FAM135A: variants seen among roughly 807,000 people sequenced by gnomAD.
The protein encoded by FAM135A is family with sequence similarity 135 member A, also known as protein FAM135A.
A neutral mutation model predicts 146.8 loss-of-function variants in FAM135A; 79 were observed. That is an observed-to-expected ratio of 0.54 (90% CI 0.45 to 0.65). The LOEUF (loss-of-function observed/expected upper bound fraction) is 0.65. FAM135A is among the 30% of genes least tolerant of loss of function. The pLI, the probability that FAM135A is intolerant of heterozygous loss-of-function variation, is 0.00. For synonymous variants in FAM135A, 562 were observed against 603.6 expected, an observed-to-expected ratio of 0.93 and a Z score of 1.01; for missense variants, 1,623 against 1,758.2, an observed-to-expected ratio of 0.92 and a Z score of 1.38.
chr6:70,496,431 A>C (rs1183976589), intron 11 of FAM135A, among the ~76,000 whole-genome samples: 5 of 151,588 alleles, frequency 3.3e-5, no homozygotes, highest in East Asian at 1.9e-4. Context: ...AGATTGCAAA[A>C]ATTTTCTCCC....
chr6:70,501,238 T>C (rs1278018109), intron 11 of FAM135A, among the ~76,000 whole-genome samples: 5 of 151,482 alleles, frequency 3.3e-5, no homozygotes, highest in African/African-American at 1.2e-4. Context: ...CACAGCTGCT[T>C]TGGTGCGCTG....
At position 70,417,815 on chromosome 6, in the gene FAM135A, T is replaced by A. The variant is rs184429587; in HGVS notation, c.-134+2439T>A. On this transcript the variant is annotated intron_variant, in intron 2 of 21. Transcript: ENST00000418814. Reference sequence around the variant, plus strand: ...TAAGACTGTGGAAGCCTGTATACCCTTTACCATCTCTTTTATCTTTTGGAA... The same window carrying A: ...TAAGACTGTGGAAGCCTGTATACCCATTACCATCTCTTTTATCTTTTGGAA... Among the ~76,000 whole-genome samples, 857 of 152,326 alleles carry A rather than the reference T, an allele frequency of 5.6e-3. 3 individuals are homozygous for A. The highest frequency in any genetic ancestry group is 8.2e-3 in the Non-Finnish European group (558 of 68,032).
At chr6:70,435,096 T>TAC (rs1772700678) in intron 4 of FAM135A, among the ~76,000 whole-genome samples, 1 of 121,008 alleles carries the variant, frequency 8.3e-6, no homozygotes, top group Admixed American at 8.4e-5. Context: ...TATATATATA[T>TAC]ATATATATAT....
At chr6:70,465,217 T>TAAGAA (rs1352534587) in intron 5 of FAM135A, among the ~76,000 whole-genome samples, 3 of 152,104 alleles carry the variant, frequency 2.0e-5, no homozygotes, top group African/African-American at 7.2e-5. Flanking sequence ...TTTTCTTTTC[T>TAAGAA]AAGGCTGAAT....
intron 12 of FAM135A, among the ~76,000 whole-genome samples, chr6:70,516,548 T>C (rs1355291966): frequency 1.4e-5 from 2 of 143,538 alleles, no homozygotes; most frequent in Non-Finnish European, 3.1e-5. Context: ...TTTTTTTTTT[T>C]TTTTTGAGAC....
intron 20 of FAM135A, among the ~76,000 whole-genome samples, chr6:70,545,748 T>C (rs758976777): frequency 1.3e-5 from 2 of 152,232 alleles, no homozygotes; most frequent in Non-Finnish European, 2.9e-5. Flanking sequence ...AACACATACA[T>C]ATTAGCTTAT....
intron 4 of FAM135A, among the ~76,000 whole-genome samples, chr6:70,436,936 A>G (rs1562415902): frequency 1.3e-5 from 2 of 152,224 alleles, no homozygotes; most frequent in Admixed American, 1.3e-4. Flanking sequence ...TAATGCTGTC[A>G]ATTAACTAGC....
intron 11 of FAM135A, among the ~76,000 whole-genome samples, chr6:70,492,849 A>G (rs1562515312): frequency 6.6e-6 from 1 of 152,052 alleles, no homozygotes. Flanking sequence ...GTAAGAGTGT[A>G]GTGAAACTAG....
intron 5 of FAM135A, among the ~76,000 whole-genome samples, chr6:70,453,874 T>A (rs1777669060): frequency 6.6e-6 from 1 of 152,218 alleles, no homozygotes; most frequent in South Asian, 2.1e-4. Flanking sequence ...GCAATAAACA[T>A]ACGTGTGCAT....
chr6:70,470,897 A>T (rs1347917033), intron 5 of FAM135A, among the ~76,000 whole-genome samples: 1 of 152,242 alleles, frequency 6.6e-6, no homozygotes, highest in Non-Finnish European at 1.5e-5. Context: ...TAGATCCTAT[A>T]GTAGAGCTTA....
intron 12 of FAM135A, among the ~76,000 whole-genome samples, chr6:70,509,758 T>C (rs1226344060): frequency 1.3e-5 from 2 of 152,136 alleles, no homozygotes; most frequent in African/African-American, 4.8e-5. Flanking sequence ...TTAGCCAAAG[T>C]TGCATATCTT....
intron 4 of FAM135A, among the ~76,000 whole-genome samples, chr6:70,442,734 T>TC (rs1450877433): frequency 6.2e-5 from 9 of 145,386 alleles, no homozygotes; most frequent in African/African-American, 7.7e-5. Flanking sequence ...ATCCATCATA[T>TC]CCCAAAAAAA....
At chr6:70,502,534 A>G (rs1462572490) in intron 11 of FAM135A, 102 bp from the exon 12 acceptor site, 2 of 1,209,220 alleles carry the variant, frequency 1.7e-6, no homozygotes, top group Non-Finnish European at 2.3e-6. Context: ...CTTTTTTTAA[A>G]CCACAAATTT....
intron 12 of FAM135A, among the ~76,000 whole-genome samples, chr6:70,520,465 A>G (rs907952787): frequency 2.0e-5 from 3 of 152,326 alleles, no homozygotes; most frequent in African/African-American, 4.8e-5. Context: ...TGTGTTAGCA[A>G]TTTGAACAGC....
intron 4 of FAM135A, among the ~76,000 whole-genome samples, chr6:70,439,030 G>A (rs1345630395): frequency 6.6e-6 from 1 of 152,130 alleles, no homozygotes; most frequent in Non-Finnish European, 1.5e-5. Context: ...CAGCTAGCTG[G>A]ACATGGTGGT....
intron 19 of FAM135A, among the ~76,000 whole-genome samples, chr6:70,537,574 A>C (rs549496495): frequency 3.9e-5 from 6 of 152,322 alleles, no homozygotes; most frequent in African/African-American, 1.2e-4. Context: ...ATTCTTCACT[A>C]AACTTTTTCC....
chr6:70,491,760 A>G (rs560441063), intron 11 of FAM135A, among the ~76,000 whole-genome samples: 2 of 152,018 alleles, frequency 1.3e-5, no homozygotes, highest in South Asian at 2.1e-4. Flanking sequence ...TTTTCTCTGC[A>G]GTTCAAGTAA....
chr6:70,492,146 T>C (rs1786131916), intron 11 of FAM135A, among the ~76,000 whole-genome samples: 2 of 151,458 alleles, frequency 1.3e-5, no homozygotes, highest in Admixed American at 6.6e-5. Flanking sequence ...ATATGTAAAA[T>C]AATAAAAATG....
At chr6:70,545,213 T>C (rs558246838) in intron 20 of FAM135A, among the ~76,000 whole-genome samples, 27 of 152,330 alleles carry the variant, frequency 1.8e-4, no homozygotes, top group African/African-American at 6.5e-4. Flanking sequence ...ATTATTTGAA[T>C]GACTTAAAAT....
Sources: allele counts gnomAD v4.1 joint callset (sites outside exome capture counted in the v4.1 genomes callset), GRCh38; gene constraint gnomAD v4.1.1; transcripts MANE v1.5; gene names NCBI Gene and HGNC (gene_info 2026-07-23, HGNC 2026-07-21).